The following CBLN2 variants were observed in gnomAD, a reference collection of about 807,000 sequenced individuals.
CBLN2 encodes the protein cerebellin 2 precursor.
In CBLN2, 7 loss-of-function variants were observed where a neutral mutation model predicts 15.0. The observed-to-expected ratio is 0.47, with a 90% CI of 0.27 to 0.88. CBLN2 has a LOEUF of 0.88. Among genes scored for constraint, CBLN2 ranks in the 40% least tolerant of loss-of-function variants. The pLI, the probability that CBLN2 is intolerant of heterozygous loss-of-function variation, is 0.14. For missense variants in CBLN2, 242 were observed against 304.5 expected (o/e 0.79, Z 1.53); for synonymous variants, 149 against 135.2 (o/e 1.10, Z -0.71).
chr18:72,557,870 G>A (rs1032492897), intron 1 of CBLN2, among the ~76,000 whole-genome samples: 9 of 152,142 alleles, frequency 5.9e-5, no homozygotes, highest in Admixed American at 3.9e-4. Context: ...GTTTACCTAC[G>A]TAACAAACCT....
At chr18:72,617,529 C>A (rs1242302273) in intron 1 of CBLN2, among the ~76,000 whole-genome samples, 1 of 152,132 alleles carries the variant, frequency 6.6e-6, no homozygotes, top group Non-Finnish European at 1.5e-5. Context: ...ATATCAAGAT[C>A]ATCCTAAGAA....
At chr18:72,586,170 G>T (rs2069441706) in intron 1 of CBLN2, among the ~76,000 whole-genome samples, 1 of 152,188 alleles carries the variant, frequency 6.6e-6, no homozygotes, top group South Asian at 2.1e-4. Context: ...ATGCAGCCCT[G>T]GCCATGCCTC....
intron 1 of CBLN2, chr18:72,618,984 C>G (rs565523333): frequency 1.3e-6 from 1 of 761,732 alleles, no homozygotes; most frequent in East Asian, 2.5e-5. Flanking sequence ...ATGGTGGCAG[C>G]GGGGATGGTC....
At position 72,538,339 on chromosome 18, in the gene CBLN2, G is replaced by T; in HGVS notation, c.512C>A (p.Ser171Ter). Residue 171 changes from serine (S) to a stop codon, truncating the protein, a stop_gained, in exon 5 of 5, where the codon TCG (serine) becomes TAG (stop). Transcript: ENST00000269503. LOFTEE classifies it high-confidence loss of function. The stretch of plus-strand genomic sequence containing the variant: ...GACATCCTGGTCTCCTGCAAAGGCC[G>T]AGATCACTGGGTAGCCATTCTGCAT... ...SLMQNGYPVI[S>*]AFAGDQDVTR... 6.2e-7 allele frequency: 1 copy of T among 1,614,154 alleles called. No individual in the cohort carries two copies. The highest frequency in any genetic ancestry group is 8.5e-7 in the Non-Finnish European group (1 of 1,180,038).
At chr18:72,626,060 A>G (rs12232694) in intron 1 of CBLN2, among the ~76,000 whole-genome samples, 80,401 of 151,464 alleles carry the variant, frequency 0.53, 25,765 homozygotes, top group Non-Finnish European at 0.72. Flanking sequence ...CAACGTCTCC[A>G]TAACAGAAAA....
intron 1 of CBLN2, among the ~76,000 whole-genome samples, chr18:72,580,233 T>G (rs2069394247): frequency 6.6e-6 from 1 of 152,096 alleles, no homozygotes. Flanking sequence ...ACTCTAAATA[T>G]TATACTTTAT....
chr18:72,638,480 A>G (rs1028432751), exon 1 of CBLN2: 4 of 396,458 alleles, frequency 1.0e-5, no homozygotes, highest in Non-Finnish European at 1.3e-5. Context: ...TGACGGACGC[A>G]AAGTCCTGTT....
intron 1 of CBLN2, among the ~76,000 whole-genome samples, chr18:72,627,997 A>T (rs1001955009): frequency 6.6e-6 from 1 of 152,122 alleles, no homozygotes; most frequent in African/African-American, 2.4e-5. Context: ...GCATTTTCTT[A>T]TGTCTTATGT....
chr18:72,554,164 T>C (rs1395615016), intron 1 of CBLN2, among the ~76,000 whole-genome samples: 2 of 152,200 alleles, frequency 1.3e-5, no homozygotes, highest in Non-Finnish European at 1.5e-5. Context: ...TTATTCTTAT[T>C]TGCTGTTTTC....
intron 1 of CBLN2, among the ~76,000 whole-genome samples, chr18:72,550,858 T>C: frequency 6.6e-6 from 1 of 152,244 alleles, no homozygotes; most frequent in African/African-American, 2.4e-5. Flanking sequence ...TACTAACCTA[T>C]TCCATGATTT....
At chr18:72,637,711 C>G (rs1463568222) in intron 1 of CBLN2, among the ~76,000 whole-genome samples, 2 of 150,508 alleles carry the variant, frequency 1.3e-5, no homozygotes, top group African/African-American at 4.9e-5. Context: ...ACAGGCACCA[C>G]GATTACCCAG....
At chr18:72,627,794 C>T (rs929563702) in intron 1 of CBLN2, among the ~76,000 whole-genome samples, 4 of 152,018 alleles carry the variant, frequency 2.6e-5, no homozygotes, top group African/African-American at 9.7e-5. Context: ...GTCTTTTGTG[C>T]TACAAGTGTT....
rs534214889 is a variant in CBLN2 at position 72,621,273 on chromosome 18, C to A, written c.15+17052G>T. Among the ~76,000 whole-genome samples the A allele has an allele frequency of 3.9e-5, 6 of 152,276 alleles. 1 individual carries two copies. In the South Asian group the frequency reaches 1.2e-3, roughly 32 times the overall value. ...GGTTTTGGACTAAGAATTTACATGA[C>A]TTACTTATGACATTTTACTAATACT... On this transcript the variant is annotated intron_variant, in intron 1 of 2. Transcript: ENST00000581073.
At chr18:72,629,915 G>T (rs1231271937) in intron 1 of CBLN2, among the ~76,000 whole-genome samples, 1 of 151,888 alleles carries the variant, frequency 6.6e-6, no homozygotes, top group Non-Finnish European at 1.5e-5. Context: ...TTATATTCCA[G>T]AGATACTGGA....
chr18:72,559,252 G>A (rs2069245373), intron 1 of CBLN2, among the ~76,000 whole-genome samples: 1 of 152,282 alleles, frequency 6.6e-6, no homozygotes, highest in South Asian at 2.1e-4. Flanking sequence ...TCAGCAGTGG[G>A]GCAGCCACTG....
At chr18:72,616,764 T>G (rs754437039) in intron 1 of CBLN2, among the ~76,000 whole-genome samples, 8 of 152,208 alleles carry the variant, frequency 5.3e-5, no homozygotes, top group Non-Finnish European at 1.0e-4. Flanking sequence ...CAATTAAAAA[T>G]TCATACCTTC....
chr18:72,566,664 C>A (rs2069297178), intron 1 of CBLN2, among the ~76,000 whole-genome samples: 1 of 151,938 alleles, frequency 6.6e-6, no homozygotes, highest in African/African-American at 2.4e-5. Context: ...GGAGCAAGGA[C>A]AAGAGAAGAG....
chr18:72,553,064 C>A (rs2069201134), intron 1 of CBLN2, among the ~76,000 whole-genome samples: 5 of 152,120 alleles, frequency 3.3e-5, no homozygotes, highest in Non-Finnish European at 7.4e-5. Context: ...CATATGTGAA[C>A]TTTGTGCAAA....
chr18:72,560,447 T>C (rs1216689877), intron 1 of CBLN2, among the ~76,000 whole-genome samples: 1 of 143,736 alleles, frequency 7.0e-6, no homozygotes. Flanking sequence ...TAGAGAATTA[T>C]AGAAAAACGT....
Sources: gnomAD v4.1 joint callset for allele counts (sites outside exome capture counted in the v4.1 genomes callset) on GRCh38, gnomAD v4.1.1 for gene constraint, MANE v1.5 for transcripts, NCBI Gene and HGNC (gene_info 2026-07-23, HGNC 2026-07-21) for gene names.